The following DTD1 variants were observed in gnomAD, a reference collection of about 807,000 sequenced individuals.
DTD1 encodes the protein D-aminoacyl-tRNA deacylase 1, also known as D-tyrosyl-tRNA deacylase 1 homolog.
In DTD1, 13 loss-of-function variants were observed where a neutral mutation model predicts 25.6. The ratio of observed to expected loss-of-function variants is 0.51; its 90% CI spans 0.33 to 0.81. The LOEUF is 0.81. DTD1 is among the 30% of genes least tolerant of loss of function. DTD1 has a pLI of 0.02. For synonymous variants in DTD1, 110 were observed against 103.6 expected, an observed-to-expected ratio of 1.06 and a Z score of -0.37; for missense variants, 193 against 266.4, an observed-to-expected ratio of 0.72 and a Z score of 1.92.
At chr20:18,728,227 C>G (rs187889419) in intron 4 of DTD1, among the ~76,000 whole-genome samples, 2 of 152,128 alleles carry the variant, frequency 1.3e-5, no homozygotes, top group African/African-American at 4.8e-5. Flanking sequence ...AATGGGCTAG[C>G]TAAAAGGTCC....
rs370324955 is a variant in DTD1 at position 18,746,149 on chromosome 20, A to G, written c.*19+1878A>G. 5.3e-3 allele frequency among the ~76,000 whole-genome samples: 804 copies of G among 152,250 alleles called. 8 individuals are homozygous for G. Among genetic ancestry groups the G allele is most frequent in the African/African-American group, 0.019 (769 of 41,554 alleles). ...TGTTTGAGGTGCCTGTTGGCAGCCA[A>G]TGGTGATGCCAGTCGTCTGCTGAGT... On this transcript the variant is annotated intron_variant, in intron 5 of 5. Transcript: ENST00000377452.
chr20:18,744,162 A>G lies in DTD1; in HGVS notation c.540A>G (p.Glu180=). The G allele has an allele frequency of 6.2e-7, 1 of 1,612,432 alleles. No individual in the cohort carries two copies. The highest frequency in any genetic ancestry group is 8.5e-7 in the Non-Finnish European group (1 of 1,180,022). The change falls in exon 5 of 6, where the codon GAA becomes GAG. Residue 180 remains glutamate, a synonymous_variant. Coordinates refer to ENST00000377452, the MANE Select transcript of DTD1 (RefSeq NM_080820.6). ...AGACCAGAGCTAAGGGACCTTCTGA[A>G]TCAAGCAAGGAAAGAAACACTCCCC... ...KEKTRAKGPS[E]SSKERNTPRK... is the part of the protein sequence containing the mutation.
chr20:18,616,814 T>G (rs1011513396), intron 3 of DTD1, among the ~76,000 whole-genome samples: 8 of 151,992 alleles, frequency 5.3e-5, no homozygotes, highest in African/African-American at 1.9e-4. Context: ...CTCTAAAAAA[T>G]TTTTTTAAAA....
At chr20:18,700,962 A>G (rs1038077481) in intron 4 of DTD1, among the ~76,000 whole-genome samples, 1 of 152,232 alleles carries the variant, frequency 6.6e-6, no homozygotes, top group Admixed American at 6.5e-5. Context: ...TGAAAAAGCT[A>G]CTGCTGTTTT....
Position 18,705,097 on chromosome 20 carries a change from G to T in DTD1, c.478-39003G>T, listed in dbSNP as rs1171073789. Among the ~76,000 whole-genome samples, 3 of 152,288 alleles carry T rather than the reference G, an allele frequency of 2.0e-5. No individual in the cohort carries two copies. The South Asian group carries it at 6.2e-4, about 32-fold the overall frequency. ...ACAGCCATTTGTGACTTCTGTACTG[G>T]ATAGTGCAAAGATAGGACATTTCCA... On this transcript the variant is annotated intron_variant, in intron 4 of 5. Coordinates refer to ENST00000377452, the MANE Select transcript of DTD1 (RefSeq NM_080820.6).
chr20:18,658,797 G>C (rs1426711107), intron 4 of DTD1, among the ~76,000 whole-genome samples: 1 of 152,168 alleles, frequency 6.6e-6, no homozygotes, highest in Non-Finnish European at 1.5e-5. Context: ...AGAAAGTTTT[G>C]GTACAAGCAG....
At chr20:18,608,324 T>A (rs2060670774) in intron 3 of DTD1, among the ~76,000 whole-genome samples, 1 of 152,060 alleles carries the variant, frequency 6.6e-6, no homozygotes, top group South Asian at 2.1e-4. Flanking sequence ...AGCTTTTGGT[T>A]TGATTTTCTC....
intron 1 of DTD1, chr20:18,589,003 C>T (rs2060578079): frequency 1.8e-6 from 1 of 563,172 alleles, no homozygotes; most frequent in Non-Finnish European, 2.3e-6. Flanking sequence ...ATATCCTGTC[C>T]TTGGAGCCAG....
chr20:18,689,325 A>G (rs577488699), intron 4 of DTD1, among the ~76,000 whole-genome samples: 1 of 152,260 alleles, frequency 6.6e-6, no homozygotes, highest in African/African-American at 2.4e-5. Context: ...TTAAGGGGGT[A>G]TATGGAGTTT....
At chr20:18,687,262 G>A in intron 4 of DTD1, among the ~76,000 whole-genome samples, 1 of 152,232 alleles carries the variant, frequency 6.6e-6, no homozygotes, top group East Asian at 1.9e-4. Flanking sequence ...TGCTGGGTGA[G>A]TTTGAGGAAC....
chr20:18,738,190 A>G (rs777407109), intron 4 of DTD1, among the ~76,000 whole-genome samples: 18 of 152,330 alleles, frequency 1.2e-4, no homozygotes, highest in Non-Finnish European at 2.4e-4. Context: ...ATTAAGCAAG[A>G]GAGGTCATGT....
rs538290686 is a variant in DTD1, at chr20:18,635,404, C to T, written c.477+7171C>T. Among the ~76,000 whole-genome samples the T allele has an allele frequency of 3.3e-5, 5 of 152,316 alleles. No homozygotes were observed. The South Asian group carries it at 8.3e-4, about 25-fold the overall frequency. On this transcript the variant is annotated intron_variant, in intron 4 of 5. Coordinates refer to ENST00000377452, the MANE Select transcript of DTD1 (RefSeq NM_080820.6). ...GGAAGGCCTCCTACCAGGGCTAGGG[C>T]GCCACCTGGCCAGACCTCTCACCAC...
chr20:18,672,049 C>T (rs541225976), intron 4 of DTD1, among the ~76,000 whole-genome samples: 1 of 152,216 alleles, frequency 6.6e-6, no homozygotes, highest in East Asian at 1.9e-4. Flanking sequence ...GCCTGGGCAA[C>T]ATAGGGAGAC....
chr20:18,655,250 C>G (rs1264592677), intron 4 of DTD1, among the ~76,000 whole-genome samples: 1 of 152,180 alleles, frequency 6.6e-6, no homozygotes, highest in Admixed American at 6.5e-5. Flanking sequence ...AATCCAGATA[C>G]AGATAGCTTC....
At chr20:18,618,836 C>T (rs896864398) in intron 3 of DTD1, among the ~76,000 whole-genome samples, 1 of 151,890 alleles carries the variant, frequency 6.6e-6, no homozygotes, top group African/African-American at 2.4e-5. Context: ...CCTCAGCCTC[C>T]CGAGTAGCTG....
intron 4 of DTD1, among the ~76,000 whole-genome samples, chr20:18,702,904 C>T (rs2061111836): frequency 6.6e-6 from 1 of 152,222 alleles, no homozygotes; most frequent in South Asian, 2.1e-4. Context: ...GGGCCTCTGA[C>T]TGGGCCGCTG....
Position 18,651,113 on chromosome 20 carries a change from A to T in DTD1, c.477+22880A>T, listed in dbSNP as rs150673871. ...AGCAGTGGCAAGAGGTGGATTTTCAAAAAAGCTGTTACAACAGCTGGTTAG... is the reference window on the plus strand; with the variant it reads ...AGCAGTGGCAAGAGGTGGATTTTCATAAAAGCTGTTACAACAGCTGGTTAG... On this transcript the variant is annotated intron_variant, in intron 4 of 5. Coordinates refer to ENST00000377452, the MANE Select transcript of DTD1 (RefSeq NM_080820.6). Among the ~76,000 whole-genome samples, 3 of 152,328 alleles carry T rather than the reference A, an allele frequency of 2.0e-5. No individual in the cohort carries two copies. The East Asian group carries it at 5.8e-4, about 29-fold the overall frequency.
intron 4 of DTD1, among the ~76,000 whole-genome samples, chr20:18,712,084 A>AG (rs1310619010): frequency 6.6e-6 from 1 of 151,820 alleles, no homozygotes; most frequent in Non-Finnish European, 1.5e-5. Flanking sequence ...AAAAAAAAAA[A>AG]AATCTAACTT....
intron 4 of DTD1, among the ~76,000 whole-genome samples, chr20:18,650,230 A>G (rs921924943): frequency 6.6e-6 from 1 of 152,208 alleles, no homozygotes; most frequent in Non-Finnish European, 1.5e-5. Flanking sequence ...CCCTGTCTCA[A>G]AACAAAAACG....
Sources: allele counts gnomAD v4.1 joint callset (sites outside exome capture counted in the v4.1 genomes callset), GRCh38; gene constraint gnomAD v4.1.1; transcripts MANE v1.5; gene names NCBI Gene and HGNC (gene_info 2026-07-23, HGNC 2026-07-21).